The following NUDCD1 variants were observed in gnomAD, a reference collection of about 807,000 sequenced individuals.
The protein encoded by NUDCD1 is nudC domain-containing protein 1.
NUDCD1 carries 60 observed loss-of-function variants against 67.8 expected under a neutral mutation model. The observed-to-expected ratio is 0.88, with a 90% CI of 0.72 to 1.10. The LOEUF is 1.10. Ranked by LOEUF, NUDCD1 falls within the 50% of genes least tolerant of loss-of-function variation. The pLI, the probability that NUDCD1 is intolerant of heterozygous loss-of-function variation, is 0.00. For synonymous variants in NUDCD1, 244 were observed against 230.8 expected, an observed-to-expected ratio of 1.06 and a Z score of -0.52; for missense variants, 643 against 695.0, an observed-to-expected ratio of 0.93 and a Z score of 0.84.
chr8:109,247,297 T>C (rs1392356932), intron 8 of NUDCD1, among the ~76,000 whole-genome samples: 2 of 152,188 alleles, frequency 1.3e-5, no homozygotes, highest in Non-Finnish European at 2.9e-5. Context: ...AAACAATATT[T>C]TCACAACAAT....
intron 7 of NUDCD1, among the ~76,000 whole-genome samples, chr8:109,273,371 C>T (rs1814203736): frequency 6.6e-6 from 1 of 151,912 alleles, no homozygotes; most frequent in African/African-American, 2.4e-5. Flanking sequence ...CAAATCAATC[C>T]CTATGGAATT....
Position 109,289,788 on chromosome 8 carries a change from T to C in NUDCD1, c.786A>G (p.Glu262=), listed in dbSNP as rs1223563144. The C allele has an allele frequency of 6.4e-7, 1 of 1,552,280 alleles. No individual in the cohort carries two copies. The highest frequency in any genetic ancestry group is 8.8e-7 in the Non-Finnish European group (1 of 1,133,792). The change falls in exon 5 of 10, where the codon GAA becomes GAG. Residue 262 remains glutamate, a synonymous_variant. Transcript: ENST00000239690. ...LTFVQAGQDL[E]ENMDEDISEK... ...CTGATATGTCTTCATCCATATTTTC[T>C]TCAAGATCTTGACCAGCCTGAACAA... is the stretch of plus-strand genomic sequence containing the variant.
In NUDCD1 at chr8:109,333,934, G is replaced by A. The variant is rs1309804829; in HGVS notation, c.77C>T (p.Ser26Phe). Residue 26 changes from serine to phenylalanine, a missense_variant, in exon 1 of 10, where the codon TCT becomes TTT. By Grantham distance (155) the Ser-to-Phe change is radical. Transcript: ENST00000239690. Reference protein sequence around the residue: ...LDPRFEGYKLSLEPLPCYQLE... With the variant: ...LDPRFEGYKLFLEPLPCYQLE... ...CTGGTAACAAGGCAGCGGCTCAAGA[G>A]AGAGCTTGTAACCCTCGAAGCGGGG... The A allele has an allele frequency of 1.2e-6, 2 of 1,614,182 alleles. No individual in the cohort carries two copies. The highest frequency in any genetic ancestry group is 1.7e-6 in the Non-Finnish European group (2 of 1,180,004).
intron 8 of NUDCD1, among the ~76,000 whole-genome samples, chr8:109,262,804 C>T (rs1196452647): frequency 6.6e-6 from 1 of 151,952 alleles, no homozygotes; most frequent in Non-Finnish European, 1.5e-5. Flanking sequence ...GCCCGTAATC[C>T]TAGCACTTTG....
At chr8:109,291,751 T>C (rs1159505359) in intron 4 of NUDCD1, among the ~76,000 whole-genome samples, 1 of 152,130 alleles carries the variant, frequency 6.6e-6, no homozygotes, top group Non-Finnish European at 1.5e-5. Flanking sequence ...AATGTATTTG[T>C]CCAGCTGAGG....
chr8:109,293,559 C>T (rs1163105006), intron 3 of NUDCD1, 35 bp from the exon 4 acceptor site: 1 of 1,204,062 alleles, frequency 8.3e-7, no homozygotes, highest in South Asian at 1.7e-5. Flanking sequence ...AAAAAGTGTA[C>T]ATAATTACAT....
chr8:109,261,810 A>C (rs1813868432), intron 8 of NUDCD1, among the ~76,000 whole-genome samples: 2 of 152,276 alleles, frequency 1.3e-5, no homozygotes, highest in South Asian at 2.1e-4. Context: ...TGCCCGGTTT[A>C]ATTATTTTTC....
At chr8:109,328,188 A>C (rs1207363764) in intron 1 of NUDCD1, among the ~76,000 whole-genome samples, 1 of 152,174 alleles carries the variant, frequency 6.6e-6, no homozygotes, top group African/African-American at 2.4e-5. Flanking sequence ...TACTGCCTTG[A>C]GGAGTTTCCA....
chr8:109,275,286 G>T (rs967884720), intron 7 of NUDCD1, 66 bp downstream of exon 7: 4 of 1,443,428 alleles, frequency 2.8e-6, no homozygotes, highest in Non-Finnish European at 3.8e-6. Flanking sequence ...TGAAAAGCAT[G>T]GCATAATCTT....
Position 109,333,811 on chromosome 8 carries a change from G to C in NUDCD1, c.118+82C>G. The C allele has an allele frequency of 3.4e-6, 5 of 1,455,062 alleles. No individual in the cohort carries two copies. In the South Asian group the frequency reaches 6.1e-5, roughly 18 times the overall value. The allele number at this position is 1,455,062 out of a possible 1,614,324, so 90.1% of individuals were successfully genotyped here. ...GGTGGCTTCGCTTGCCAGTCAGAAAGAAAGAAATTGCGGGAAGGGTCAGGC... is the reference window on the plus strand; with the variant it reads ...GGTGGCTTCGCTTGCCAGTCAGAAACAAAGAAATTGCGGGAAGGGTCAGGC... On this transcript the variant is annotated intron_variant, in intron 1 of 9. Coordinates refer to ENST00000239690, the MANE Select transcript of NUDCD1 (RefSeq NM_032869.4).
intron 8 of NUDCD1, among the ~76,000 whole-genome samples, chr8:109,249,581 T>C (rs1205298147): frequency 6.6e-6 from 1 of 152,242 alleles, no homozygotes; most frequent in Non-Finnish European, 1.5e-5. Context: ...TTATCAGTGG[T>C]TACAAATGTA....
At position 109,242,923 on chromosome 8, in the gene NUDCD1, A is replaced by G. The variant is rs1813399737; in HGVS notation, c.*86T>C. Reference sequence around the variant, plus strand: ...TACAAGATATATTTAGCACATTAAAACTTAAGAGGTTACAGTATAACTGTC... The same window carrying G: ...TACAAGATATATTTAGCACATTAAAGCTTAAGAGGTTACAGTATAACTGTC... On this transcript the variant is annotated 3_prime_UTR_variant, in exon 10 of 10. Coordinates refer to ENST00000239690, the MANE Select transcript of NUDCD1 (RefSeq NM_032869.4). 2 of 760,172 alleles carry G rather than the reference A, an allele frequency of 2.6e-6. No individual in the cohort carries two copies. The highest frequency in any genetic ancestry group is 5.1e-5 in the East Asian group (2 of 38,988). The allele number at this position is 760,172 out of a possible 1,614,324, so 47.1% of individuals were successfully genotyped here.
chr8:109,264,776 G>A (rs1012546247), intron 8 of NUDCD1, among the ~76,000 whole-genome samples: 2 of 150,986 alleles, frequency 1.3e-5, no homozygotes, highest in Non-Finnish European at 2.9e-5. Context: ...TGCAGAAGCA[G>A]ATATAAGGAT....
At chr8:109,295,023 C>T (rs1814808784) in intron 3 of NUDCD1, among the ~76,000 whole-genome samples, 1 of 152,072 alleles carries the variant, frequency 6.6e-6, no homozygotes, top group African/African-American at 2.4e-5. Context: ...CTGAAAACAT[C>T]TCTGAAGGGA....
chr8:109,263,125 C>G (rs577559190), intron 8 of NUDCD1, among the ~76,000 whole-genome samples: 1 of 144,186 alleles, frequency 6.9e-6, no homozygotes, highest in Admixed American at 7.1e-5. Flanking sequence ...TCATTTTACA[C>G]TGAAGGCTGC....
chr8:109,288,984 CTT>C (rs565605587), intron 5 of NUDCD1, among the ~76,000 whole-genome samples: 10 of 143,434 alleles, frequency 7.0e-5, no homozygotes, highest in African/African-American at 1.0e-4. Context: ...TTAGTCTTTT[CTT>C]TTTTTTTTTT....
At chr8:109,270,897 T>C (rs1048213150) in intron 8 of NUDCD1, 108 bp downstream of exon 8, 8 of 684,156 alleles carry the variant, frequency 1.2e-5, no homozygotes, top group Admixed American at 5.1e-5. Context: ...ATGAGACTTA[T>C]CAAAGCCAGT....
chr8:109,255,338 T>G (rs1163345246), intron 8 of NUDCD1, among the ~76,000 whole-genome samples: 2 of 152,288 alleles, frequency 1.3e-5, no homozygotes, highest in African/African-American at 4.8e-5. Flanking sequence ...TGGGTTGCAT[T>G]TTTTGGTTTG....
At chr8:109,255,494 A>G (rs1813707540) in intron 8 of NUDCD1, among the ~76,000 whole-genome samples, 2 of 152,060 alleles carry the variant, frequency 1.3e-5, no homozygotes. Flanking sequence ...AAGCCACATA[A>G]CTATTACTTA....
Sources: gnomAD v4.1 joint callset for allele counts (sites outside exome capture counted in the v4.1 genomes callset) on GRCh38, gnomAD v4.1.1 for gene constraint, MANE v1.5 for transcripts, NCBI Gene and HGNC (gene_info 2026-07-23, HGNC 2026-07-21) for gene names.